Variants in RELCH observed in about 807,000 individuals in gnomAD.
The protein encoded by RELCH is RAB11-binding protein RELCH.
In RELCH, 41 loss-of-function variants were observed where a neutral mutation model predicts 150.3. The ratio of observed to expected loss-of-function variants is 0.27; its 90% confidence interval spans 0.21 to 0.35. The LOEUF is 0.35. Ranked by LOEUF, RELCH falls within the 10% of genes least tolerant of loss-of-function variation. RELCH has a pLI of 1.00. For missense variants in RELCH, 1,092 were observed against 1,467.8 expected (o/e 0.74, Z 4.18); for synonymous variants, 478 against 531.8 (o/e 0.90, Z 1.39).
At chr18:62,303,817 G>A (rs1269249870) in intron 28 of RELCH, among the ~76,000 whole-genome samples, 2 of 152,208 alleles carry the variant, frequency 1.3e-5, no homozygotes, top group Admixed American at 1.3e-4. Context: ...ATTTCATCTT[G>A]TAGGTGGTAT....
chr18:62,291,364 G>A (rs1337817704), intron 26 of RELCH, among the ~76,000 whole-genome samples, 179 bp from the exon 27 acceptor site: 1 of 152,160 alleles, frequency 6.6e-6, no homozygotes, highest in East Asian at 1.9e-4. Flanking sequence ...ATTGACTCCT[G>A]ATAAATAACT....
chr18:62,241,898 ATTTTT>A (rs1269513868), intron 10 of RELCH, among the ~76,000 whole-genome samples: 2 of 152,200 alleles, frequency 1.3e-5, no homozygotes, highest in African/African-American at 2.4e-5. Context: ...TACAGAATCT[ATTTTT>A]TATTTTAATA....
chr18:62,251,594 C>T (rs557222985), intron 11 of RELCH, among the ~76,000 whole-genome samples: 2 of 152,258 alleles, frequency 1.3e-5, no homozygotes, highest in African/African-American at 4.8e-5. Flanking sequence ...GTCACTAGGC[C>T]CAGTCTGCAC....
In RELCH at chr18:62,228,317, C is replaced by T. The variant is rs151143967; in HGVS notation, c.1167C>T (p.Phe389=). The part of the protein sequence containing the change: ...QIRRLKSEMD[F]LKNEHFAIPA... ...TCTCTTTCTACAGTGAAATGGACTT[C>T]CTCAAAAATGAACACTTTGCCATCC... The change falls in exon 8 of 29, where the codon TTC becomes TTT. Residue 389 remains phenylalanine, a synonymous_variant. Coordinates refer to ENST00000644646, the MANE Select transcript of RELCH (RefSeq NM_001346231.2). The T allele has an allele frequency of 0.025, 40,031 of 1,609,770 alleles. 583 individuals are homozygous for T. The highest frequency in any genetic ancestry group is 0.077 in the Middle Eastern group (462 of 6,016).
chr18:62,257,270 T>C (rs1243755222), intron 13 of RELCH, among the ~76,000 whole-genome samples: 1 of 152,094 alleles, frequency 6.6e-6, no homozygotes, highest in Non-Finnish European at 1.5e-5. Flanking sequence ...CTGGAAAATA[T>C]TCTGTGTGAA....
intron 10 of RELCH, among the ~76,000 whole-genome samples, chr18:62,243,743 AT>A (rs550117495): frequency 6.6e-6 from 1 of 152,002 alleles, no homozygotes; most frequent in Non-Finnish European, 1.5e-5. Context: ...TTACATTATT[AT>A]TTTTGTTAGG....
chr18:62,266,288 C>G (rs1208934120), intron 18 of RELCH, among the ~76,000 whole-genome samples: 1 of 151,700 alleles, frequency 6.6e-6, no homozygotes, highest in Admixed American at 6.6e-5. Context: ...CTGGAATTTC[C>G]TTTTCGTTTT....
chr18:62,238,844 G>C (rs1280876554), intron 10 of RELCH, among the ~76,000 whole-genome samples: 1 of 152,040 alleles, frequency 6.6e-6, no homozygotes, highest in Non-Finnish European at 1.5e-5. Context: ...CATTAAAAAG[G>C]CAAAGGAGAA....
chr18:62,222,728 T>C (rs1242994407), intron 5 of RELCH, among the ~76,000 whole-genome samples: 2 of 151,974 alleles, frequency 1.3e-5, no homozygotes, highest in African/African-American at 2.4e-5. Flanking sequence ...TGGGCATAAT[T>C]ACAATTTTAT....
In RELCH at chr18:62,268,736, G is replaced by A. The variant is rs556675614; in HGVS notation, c.2681-133G>A. 5.3e-4 allele frequency: 235 copies of A among 445,214 alleles called. 1 individual carries two copies. The highest frequency in any genetic ancestry group is 4.6e-3 in the African/African-American group (222 of 48,192). 27.6% of individuals were successfully genotyped at this position (445,214 alleles called of 1,614,324 possible). On this transcript the variant is annotated intron_variant, in intron 19 of 28. Transcript: ENST00000644646. ...ATTTTACAACCACCAATAAACATAT[G>A]TTTTCCAAAGTAATGATAATACTTA...
chr18:62,266,769 C>G lies in RELCH; in HGVS notation c.2680+20C>G. 6.9e-7 allele frequency: 1 copy of G among 1,450,742 alleles called. No individual in the cohort carries two copies. Among genetic ancestry groups the G allele is most frequent in the Non-Finnish European group, 9.6e-7 (1 of 1,040,696 alleles). The allele number at this position is 1,450,742 out of a possible 1,614,324, so 89.9% of individuals were successfully genotyped here. A position where few individuals can be genotyped will look rare whatever the true frequency, so the allele number is the denominator to read the frequency against. On this transcript the variant is annotated intron_variant, in intron 19 of 28. Coordinates refer to ENST00000644646, the MANE Select transcript of RELCH (RefSeq NM_001346231.2). ...ACATTGGTGAGTTTGTTCATTATTA[C>G]TTTTAAAAACAATTGCATTTCTTTA...
intron 27 of RELCH, among the ~76,000 whole-genome samples, chr18:62,293,487 C>T (rs2045257766): frequency 6.6e-6 from 1 of 152,010 alleles, no homozygotes; most frequent in Non-Finnish European, 1.5e-5. Context: ...GTGAGACCTA[C>T]CCATATTTTT....
chr18:62,233,956 TATG>T (rs774279030), intron 10 of RELCH, among the ~76,000 whole-genome samples: 7 of 152,020 alleles, frequency 4.6e-5, no homozygotes, highest in Non-Finnish European at 8.8e-5. Flanking sequence ...TAATTTGTGG[TATG>T]ATGTTTACTT....
chr18:62,190,085 A>G (rs760590079), intron 1 of RELCH, among the ~76,000 whole-genome samples: 3 of 152,194 alleles, frequency 2.0e-5, no homozygotes, highest in Non-Finnish European at 2.9e-5. Flanking sequence ...CCTGTCTTTA[A>G]TGGTAGTTGC....
intron 26 of RELCH, among the ~76,000 whole-genome samples, chr18:62,287,997 T>A (rs779041575): frequency 1.4e-4 from 22 of 152,140 alleles, no homozygotes; most frequent in South Asian, 4.1e-4. Context: ...TGTCAGTGAC[T>A]GTAAATGATT....
chr18:62,229,699 A>G lies in RELCH; in HGVS notation c.1448+1101A>G, dbSNP rs551872465. ...ATCAAGGCACTAACCTAGTCTTCAG[A>G]GCAGGAAAGTTTCATAGAAGTGTCA... On this transcript the variant is annotated intron_variant, in intron 8 of 28. Transcript: ENST00000644646. Among the ~76,000 whole-genome samples, 357 of 152,228 alleles carry G rather than the reference A, an allele frequency of 2.3e-3. 2 individuals are homozygous for G. Among genetic ancestry groups the G allele is most frequent in the Middle Eastern group, 3.4e-3 (1 of 294 alleles).
At chr18:62,226,632 C>A (rs191843002) in intron 5 of RELCH, among the ~76,000 whole-genome samples, 4 of 151,916 alleles carry the variant, frequency 2.6e-5, no homozygotes, top group Admixed American at 2.0e-4. Flanking sequence ...TGATGTCATG[C>A]AAATATTTGA....
intron 10 of RELCH, among the ~76,000 whole-genome samples, chr18:62,240,574 A>T (rs2042098901): frequency 6.6e-6 from 1 of 151,672 alleles, no homozygotes; most frequent in Non-Finnish European, 1.5e-5. Flanking sequence ...ACGCCCAGCT[A>T]ATTTTTGTAT....
intron 1 of RELCH, among the ~76,000 whole-genome samples, chr18:62,193,497 G>A (rs1336474367): frequency 6.6e-6 from 1 of 151,978 alleles, no homozygotes; most frequent in Non-Finnish European, 1.5e-5. Flanking sequence ...ATTGGCTGTG[G>A]GTTTGTCATA....
Sources: gnomAD v4.1 joint callset for allele counts (sites outside exome capture counted in the v4.1 genomes callset) on GRCh38, gnomAD v4.1.1 for gene constraint, MANE v1.5 for transcripts, NCBI Gene and HGNC (gene_info 2026-07-23, HGNC 2026-07-21) for gene names.